The following RNLS variants were observed in gnomAD, a reference collection of about 807,000 sequenced individuals.
The protein encoded by RNLS is renalase, FAD dependent amine oxidase, also known as renalase.
In RNLS, 39 loss-of-function variants were observed where a neutral mutation model predicts 39.8. The ratio of observed to expected loss-of-function variants is 0.98; its 90% CI spans 0.76 to 1.28. The LOEUF (loss-of-function observed/expected upper bound fraction) is 1.28. Among genes scored for constraint, RNLS ranks in the 50% most tolerant of loss-of-function variants. The pLI, the probability that RNLS is intolerant of heterozygous loss-of-function variation, is 0.00. For missense variants in RNLS, 410 were observed against 413.3 expected (o/e 0.99, Z 0.07); for synonymous variants, 147 against 150.7 (o/e 0.98, Z 0.18).
chr10:88,284,475 T>C lies in RNLS; in HGVS notation c.*879A>G, dbSNP rs976907469. ...GTGGGTGATATGCTGAACCACCAACTTGGCAAATATTGAACTATTTTAAGT... is the reference window on the plus strand; with the variant it reads ...GTGGGTGATATGCTGAACCACCAACCTGGCAAATATTGAACTATTTTAAGT... On this transcript the variant is annotated 3_prime_UTR_variant, in exon 7 of 7. Transcript: ENST00000331772. 1.8e-5 allele frequency: 18 copies of C among 985,278 alleles called. No individual in the cohort carries two copies. Among genetic ancestry groups the C allele is most frequent in the African/African-American group, 7.0e-5 (4 of 57,238 alleles). The allele number at this position is 985,278 out of a possible 1,614,324, so 61.0% of individuals were successfully genotyped here.
chr10:88,203,429 T>A, the RNLS span, among the ~76,000 whole-genome samples: 1 of 79,470 alleles, frequency 1.3e-5, no homozygotes, highest in Admixed American at 1.5e-4. Flanking sequence ...TGTGTATATA[T>A]ATATATACGT....
At chr10:88,305,653 A>C (rs146980247) in intron 6 of RNLS, among the ~76,000 whole-genome samples, 1 of 152,202 alleles carries the variant, frequency 6.6e-6, no homozygotes, top group Non-Finnish European at 1.5e-5. Context: ...TATGCACCCA[A>C]TACAGGAGCA....
intron 4 of RNLS, among the ~76,000 whole-genome samples, chr10:88,556,930 A>C (rs887790873): frequency 6.6e-6 from 1 of 152,118 alleles, no homozygotes; most frequent in Non-Finnish European, 1.5e-5. Context: ...AATACTATAC[A>C]ATATTATGCC....
At chr10:88,443,666 T>C (rs2133860506) in intron 4 of RNLS, among the ~76,000 whole-genome samples, 1 of 152,386 alleles carries the variant, frequency 6.6e-6, no homozygotes, top group East Asian at 1.9e-4. Flanking sequence ...CAGGAGATTA[T>C]ATCCCGTGCA....
the RNLS span, among the ~76,000 whole-genome samples, chr10:88,203,311 T>TACAC: frequency 3.1e-3 from 20 of 6,512 alleles, 4 homozygotes; most frequent in Non-Finnish European, 4.7e-3. Flanking sequence ...TATATATATA[T>TACAC]ACGTATGTAT....
the RNLS span, among the ~76,000 whole-genome samples, chr10:88,205,024 T>C: frequency 6.6e-6 from 1 of 152,156 alleles, no homozygotes; most frequent in Admixed American, 6.6e-5. Flanking sequence ...CCATGGCTCC[T>C]GGGTACCTTG....
intron 5 of RNLS, among the ~76,000 whole-genome samples, chr10:88,345,206 T>C (rs1848227301): frequency 2.0e-5 from 3 of 152,172 alleles, no homozygotes; most frequent in Non-Finnish European, 4.4e-5. Flanking sequence ...AAAGTATTTA[T>C]GAAACGCAAT....
chr10:88,315,738 G>GCTT (rs1554855444), intron 5 of RNLS, among the ~76,000 whole-genome samples: 1 of 133,416 alleles, frequency 7.5e-6, no homozygotes, highest in Non-Finnish European at 1.6e-5. Flanking sequence ...TACATTTCAG[G>GCTT]TTTTTTTTTT....
chr10:88,479,714 T>C (rs1844038960), intron 4 of RNLS, among the ~76,000 whole-genome samples: 1 of 152,120 alleles, frequency 6.6e-6, no homozygotes, highest in African/African-American at 2.4e-5. Flanking sequence ...TCCTTTTATT[T>C]GCCCTTTTGA....
intron 5 of RNLS, among the ~76,000 whole-genome samples, chr10:88,355,145 C>T (rs1052607465): frequency 5.9e-5 from 9 of 152,120 alleles, no homozygotes; most frequent in Non-Finnish European, 1.0e-4. Flanking sequence ...TTAACTTCTT[C>T]GCCATGGGTT....
At chr10:88,235,376 G>A in the RNLS span, among the ~76,000 whole-genome samples, 2 of 151,252 alleles carry the variant, frequency 1.3e-5, no homozygotes, top group Non-Finnish European at 1.5e-5. Context: ...AAACAAGCAC[G>A]ACTGATTTTA....
chr10:88,317,674 G>T (rs975123652), intron 5 of RNLS, among the ~76,000 whole-genome samples: 12 of 152,194 alleles, frequency 7.9e-5, no homozygotes, highest in African/African-American at 2.9e-4. Flanking sequence ...TCAAGCTGCT[G>T]GTTTTCAAGA....
chr10:88,420,370 C>T (rs935828531), intron 4 of RNLS, among the ~76,000 whole-genome samples: 3 of 152,286 alleles, frequency 2.0e-5, no homozygotes, highest in Middle Eastern at 3.4e-3. Context: ...GTCTATTGTA[C>T]AAATTATCAC....
At chr10:88,509,931 C>T (rs1258606618) in intron 4 of RNLS, among the ~76,000 whole-genome samples, 1 of 152,190 alleles carries the variant, frequency 6.6e-6, no homozygotes, top group African/African-American at 2.4e-5. Context: ...GCCAAGATGA[C>T]TTATCAAGCC....
intron 4 of RNLS, among the ~76,000 whole-genome samples, chr10:88,502,890 T>G (rs1564852893): frequency 6.6e-6 from 1 of 151,934 alleles, no homozygotes; most frequent in Non-Finnish European, 1.5e-5. Context: ...AAAATGAAAA[T>G]ATAGGGAGAG....
intron 5 of RNLS, among the ~76,000 whole-genome samples, chr10:88,362,184 TA>T (rs200594552): frequency 6.6e-5 from 10 of 150,926 alleles, no homozygotes; most frequent in African/African-American, 2.2e-4. Flanking sequence ...CTTATCAAAT[TA>T]AAAAAAAATA....
At chr10:88,199,372 C>T in the RNLS span, among the ~76,000 whole-genome samples, 1 of 152,112 alleles carries the variant, frequency 6.6e-6, no homozygotes, top group Admixed American at 6.6e-5. Context: ...ACATTTTGGC[C>T]CAGATAATTC....
intron 4 of RNLS, among the ~76,000 whole-genome samples, chr10:88,371,917 T>C (rs1313276800): frequency 6.6e-6 from 1 of 152,170 alleles, no homozygotes; most frequent in Non-Finnish European, 1.5e-5. Flanking sequence ...AGTTCATATC[T>C]AGCAAGATAA....
intron 5 of RNLS, among the ~76,000 whole-genome samples, chr10:88,320,292 A>G (rs1310501433): frequency 6.6e-6 from 1 of 152,076 alleles, no homozygotes; most frequent in Admixed American, 6.5e-5. Flanking sequence ...AAAAGCTCAA[A>G]GAAGTTCTAA....
Sources: gnomAD v4.1 joint callset for allele counts (sites outside exome capture counted in the v4.1 genomes callset) on GRCh38, gnomAD v4.1.1 for gene constraint, MANE v1.5 for transcripts, NCBI Gene and HGNC (gene_info 2026-07-23, HGNC 2026-07-21) for gene names.